Variants in PALLD observed in about 807,000 individuals in gnomAD.
PALLD encodes palladin, cytoskeletal associated protein.
In PALLD, 61 loss-of-function variants were observed where a neutral mutation model predicts 123.5. The observed-to-expected ratio is 0.49, with a 90% CI of 0.40 to 0.61. The LOEUF (loss-of-function observed/expected upper bound fraction) is 0.61, where lower values mean the gene tolerates loss of function less well. PALLD is among the 20% of genes least tolerant of loss of function. The probability of loss-of-function intolerance (pLI) is 0.00; values close to 1 mark genes in which losing one functional copy is unlikely to be tolerated. For synonymous variants in PALLD, 465 were observed against 496.4 expected (o/e 0.94, Z 0.84); for missense variants, 1,273 against 1,377.0 (o/e 0.92, Z 1.20).
chr4:168,600,080 CATATATACATGCATGTGTATGCACACAT>C lies in PALLD; in HGVS notation c.909-68099_909-68072del, dbSNP rs1340173905. On this transcript the variant is annotated intron_variant, in intron 2 of 21. Coordinates refer to ENST00000505667, the MANE Select transcript of PALLD (RefSeq NM_001166108.2). ...ATATACATACATGTGTATACACACA[CATATATACATGCATGTGTATGCACACAT>C]ATATATACATACATGTGTATACACA... is the stretch of plus-strand genomic sequence containing the variant. Among the ~76,000 whole-genome samples, 33 of 98,912 alleles carry C rather than the reference CATATATACATGCATGTGTATGCACACAT, an allele frequency of 3.3e-4. 2 individuals are homozygous for C. Among genetic ancestry groups the C allele is most frequent in the African/African-American group, 9.8e-4 (30 of 30,674 alleles). The allele number at this position is 98,912 out of a possible 152,430, so 64.9% of individuals were successfully genotyped here.
chr4:168,512,065 G>A lies in PALLD; in HGVS notation c.561G>A (p.Lys187=). 2 of 1,614,094 alleles carry A rather than the reference G, an allele frequency of 1.2e-6. No individual in the cohort carries two copies. Among genetic ancestry groups the A allele is most frequent in the East Asian group, 2.2e-5 (1 of 44,904 alleles). ...EELTSIFKAA[K]PRNRSPNGES... ...TAACATCCATATTTAAAGCCGCAAAGCCAAGAAACAGAAGCCCAAATGGGG... is the reference window on the plus strand; with the variant it reads ...TAACATCCATATTTAAAGCCGCAAAACCAAGAAACAGAAGCCCAAATGGGG... Residue 187 remains lysine (K), a synonymous_variant, in exon 2 of 22, where the codon AAG becomes AAA. Transcript: ENST00000505667.
chr4:168,927,115 G>GAAAT lies in PALLD; in HGVS notation c.*937_*940dup. 1 of 225,982 alleles carries GAAAT rather than the reference G, an allele frequency of 4.4e-6. No individual in the cohort carries two copies. The allele number at this position is 225,982 out of a possible 1,614,324, so 14.0% of individuals were successfully genotyped here. A position where few individuals can be genotyped will look rare whatever the true frequency, so the allele number is the denominator to read the frequency against. ...AATATAAAGTGCTCTGAATAAAGCA[G>GAAAT]AAATATATTACAGTTCATTCCACAG... is the stretch of plus-strand genomic sequence containing the variant. On this transcript the variant is annotated 3_prime_UTR_variant, in exon 22 of 22. Transcript: ENST00000505667.
At chr4:168,874,184 G>A (rs569595104) in intron 10 of PALLD, among the ~76,000 whole-genome samples, 12 of 152,264 alleles carry the variant, frequency 7.9e-5, no homozygotes, top group South Asian at 4.2e-4. Flanking sequence ...GCTAGTAGCC[G>A]GCTGAGCTGG....
At chr4:168,531,804 C>T (rs576823545) in intron 2 of PALLD, among the ~76,000 whole-genome samples, 48 of 152,284 alleles carry the variant, frequency 3.2e-4, no homozygotes, top group Non-Finnish European at 5.9e-4. Context: ...AAACAGAGAA[C>T]CACTCTATCC....
chr4:168,512,195 G>C lies in PALLD; in HGVS notation c.691G>C (p.Glu231Gln), dbSNP rs1208821236. 6.2e-7 allele frequency: 1 copy of C among 1,613,684 alleles called. No individual in the cohort carries two copies. The highest frequency in any genetic ancestry group is 1.3e-5 in the African/African-American group (1 of 74,986). ...QSPMEDQGEM[E>Q]REVKSPGARH... ...CCCTATGGAAGACCAAGGGGAGATG[G>C]AAAGAGAGGTCAAGTCCCCTGGGGC... is the stretch of plus-strand genomic sequence containing the variant. The change falls in exon 2 of 22, where the codon GAA becomes CAA. Residue 231 changes from glutamate to glutamine, a missense_variant. Around this residue, in one of 2 missense-constraint regions of PALLD, gnomAD observed 944 missense variants for 954.5 expected, o/e 0.99. Transcript: ENST00000505667.
chr4:168,636,011 T>G (rs1021373226), intron 2 of PALLD, among the ~76,000 whole-genome samples: 6 of 152,210 alleles, frequency 3.9e-5, no homozygotes, highest in Admixed American at 2.0e-4. Context: ...TAAAGCACTG[T>G]ATTACATTTG....
rs529736850 is a variant in PALLD at position 168,544,091 on chromosome 4, C to A, written c.908+31679C>A. On this transcript the variant is annotated intron_variant, in intron 2 of 21. Coordinates refer to ENST00000505667, the MANE Select transcript of PALLD (RefSeq NM_001166108.2). ...GCAAATATCACATAATCTGCTATGC[C>A]AAATGTCATTGATAAATCATGTATT... 1.1e-4 allele frequency among the ~76,000 whole-genome samples: 17 copies of A among 152,280 alleles called. 1 individual carries two copies. In the South Asian group the frequency reaches 3.5e-3, roughly 32 times the overall value.
chr4:168,544,616 T>C (rs1712229930), intron 2 of PALLD, among the ~76,000 whole-genome samples: 1 of 152,256 alleles, frequency 6.6e-6, no homozygotes, highest in Admixed American at 6.5e-5. Context: ...ATTACTAAAA[T>C]ACTTAAGTGA....
intron 2 of PALLD, among the ~76,000 whole-genome samples, chr4:168,546,486 G>A (rs1200896033): frequency 6.6e-6 from 1 of 152,076 alleles, no homozygotes; most frequent in African/African-American, 2.4e-5. Context: ...GAGCTATTGG[G>A]GTCCACAAAG....
chr4:168,761,645 G>GTTTGTTTT (rs1561493717), intron 10 of PALLD, among the ~76,000 whole-genome samples: 2 of 88,016 alleles, frequency 2.3e-5, no homozygotes, highest in African/African-American at 8.3e-5. Flanking sequence ...GTTGTTGTTT[G>GTTTGTTTT]TTTTTTTTTT....
At chr4:168,918,095 G>A (rs1760588392) in intron 17 of PALLD, among the ~76,000 whole-genome samples, 1 of 151,656 alleles carries the variant, frequency 6.6e-6, no homozygotes, top group African/African-American at 2.4e-5. Context: ...GCTACTCAGG[G>A]GGCTGAGGCA....
At chr4:168,784,687 A>T (rs1736430383) in intron 10 of PALLD, among the ~76,000 whole-genome samples, 1 of 152,188 alleles carries the variant, frequency 6.6e-6, no homozygotes, top group African/African-American at 2.4e-5. Flanking sequence ...GCTGCTGTCA[A>T]CCCAAGTTTG....
intron 10 of PALLD, among the ~76,000 whole-genome samples, chr4:168,744,115 A>C (rs897096373): frequency 2.0e-5 from 3 of 152,158 alleles, no homozygotes; most frequent in Admixed American, 1.3e-4. Flanking sequence ...AGCCCAGAGG[A>C]CAACACTCTG....
intron 10 of PALLD, among the ~76,000 whole-genome samples, chr4:168,758,620 A>ACT (rs1732233839): frequency 1.3e-5 from 2 of 152,188 alleles, no homozygotes; most frequent in African/African-American, 4.8e-5. Flanking sequence ...AAACAGTCTG[A>ACT]GAAACATTAA....
intron 9 of PALLD, among the ~76,000 whole-genome samples, chr4:168,709,468 CCACTGCACTCCAG>C (rs901673019): frequency 6.8e-6 from 1 of 146,566 alleles, no homozygotes; most frequent in African/African-American, 2.5e-5. Flanking sequence ...CAAGATCATC[CCACTGCACTCCAG>C]CCTGGGTGAC....
chr4:168,715,062 T>C (rs13147101), intron 10 of PALLD, among the ~76,000 whole-genome samples: 130,252 of 151,932 alleles, frequency 0.86, 56,309 homozygotes, highest in African/African-American at 0.97. Flanking sequence ...CAGCCGAGTC[T>C]GTGGTACCGC....
intron 2 of PALLD, among the ~76,000 whole-genome samples, chr4:168,521,367 T>G (rs916501425): frequency 6.6e-6 from 1 of 152,310 alleles, no homozygotes; most frequent in Admixed American, 6.5e-5. Context: ...TTATTTCAAC[T>G]TTCTGTGCCT....
intron 3 of PALLD, among the ~76,000 whole-genome samples, chr4:168,681,124 GC>G (rs1781510320): frequency 6.6e-6 from 1 of 152,060 alleles, no homozygotes; most frequent in African/African-American, 2.4e-5. Flanking sequence ...TTTGAAGAAA[GC>G]TATTTATAGT....
intron 2 of PALLD, among the ~76,000 whole-genome samples, chr4:168,565,999 T>C (rs1768338158): frequency 6.6e-6 from 1 of 152,168 alleles, no homozygotes; most frequent in South Asian, 2.1e-4. Context: ...TTAGAACTTT[T>C]GACCTGTCCT....
Sources: allele counts gnomAD v4.1 joint callset (sites outside exome capture counted in the v4.1 genomes callset), GRCh38; gene constraint gnomAD v4.1.1; regional missense constraint gnomAD v4.1.1; transcripts MANE v1.5; gene names NCBI Gene and HGNC (gene_info 2026-07-23, HGNC 2026-07-21).